The following ANK2 variants were observed in gnomAD, a reference collection of about 807,000 sequenced individuals.
ANK2 encodes ankyrin-2.
In ANK2, 83 loss-of-function variants were observed where a neutral mutation model predicts 360.5. That is an observed-to-expected ratio of 0.23 (90% CI 0.19 to 0.28). ANK2 has a LOEUF of 0.28. Ranked by LOEUF, ANK2 falls within the 10% of genes least tolerant of loss-of-function variation. The probability of loss-of-function intolerance (pLI) is 1.00; values close to 1 mark genes in which losing one functional copy is unlikely to be tolerated. For missense variants in ANK2, 4,201 were observed against 4,795.7 expected (o/e 0.88, Z 3.66); for synonymous variants, 1,740 against 1,759.5 (o/e 0.99, Z 0.28).
chr4:113,366,062 T>A lies in ANK2; in HGVS notation c.11032+880T>A, dbSNP rs151200998. Among the ~76,000 whole-genome samples the A allele has an allele frequency of 1.3e-3, 195 of 152,262 alleles. 2 individuals carry two copies. The highest frequency in any genetic ancestry group is 4.5e-3 in the African/African-American group (185 of 41,556). ...TTAAACCATGCTTTAATAGATCCCATCTTTAAAAACAAAACAAAGCAAATA... is the reference window on the plus strand; with the variant it reads ...TTAAACCATGCTTTAATAGATCCCAACTTTAAAAACAAAACAAAGCAAATA... On this transcript the variant is annotated intron_variant, in intron 41 of 45. Transcript: ENST00000357077.
chr4:113,128,815 T>C (rs1284046720), intron 1 of ANK2, among the ~76,000 whole-genome samples: 4 of 152,122 alleles, frequency 2.6e-5, no homozygotes, highest in Non-Finnish European at 2.9e-5. Context: ...CAGATAGATA[T>C]AAAAACAAAT....
chr4:113,361,016 A>C, intron 39 of ANK2, 119 bp downstream of exon 39: 1 of 938,466 alleles, frequency 1.1e-6, no homozygotes, highest in Non-Finnish European at 1.7e-6. Flanking sequence ...GAAAAGAAGA[A>C]TAAACTAAGA....
chr4:113,049,860 T>C (rs1179129760), intron 1 of ANK2, 48 bp downstream of exon 1: 4 of 1,599,514 alleles, frequency 2.5e-6, no homozygotes, highest in Admixed American at 1.7e-5. Context: ...TGTATGTGTG[T>C]GCATGTGTGA....
intron 31 of ANK2, among the ~76,000 whole-genome samples, chr4:113,338,260 C>T (rs1356899007): frequency 6.6e-6 from 1 of 152,082 alleles, no homozygotes; most frequent in East Asian, 1.9e-4. Context: ...ATTCCTCCTA[C>T]AGCCCTTTGA....
chr4:112,860,121 A>G (rs900300967), intron 1 of ANK2, among the ~76,000 whole-genome samples: 2 of 152,166 alleles, frequency 1.3e-5, no homozygotes, highest in Non-Finnish European at 2.9e-5. Flanking sequence ...ATTAAGTGCC[A>G]TTTACTGTGC....
intron 25 of ANK2, 27 bp from the exon 26 acceptor site, chr4:113,318,487 TTTA>T: frequency 6.4e-7 from 1 of 1,558,284 alleles, no homozygotes; most frequent in Non-Finnish European, 8.8e-7. Context: ...GCAAAGTGTG[TTTA>T]TTCAATCCAG....
intron 1 of ANK2, chr4:112,826,939 A>T: frequency 1.9e-6 from 3 of 1,538,638 alleles, no homozygotes; most frequent in Non-Finnish European, 2.7e-6. Flanking sequence ...ACAAACTCTG[A>T]ATTGGTTGGC....
intron 1 of ANK2, among the ~76,000 whole-genome samples, chr4:112,884,223 G>A (rs2077619680): frequency 6.6e-6 from 1 of 152,152 alleles, no homozygotes; most frequent in Non-Finnish European, 1.5e-5. Flanking sequence ...GGCCTACATT[G>A]ATTTAAATTA....
chr4:112,845,747 T>TA (rs1260582885), intron 1 of ANK2, among the ~76,000 whole-genome samples: 2 of 152,242 alleles, frequency 1.3e-5, no homozygotes, highest in South Asian at 4.1e-4. Context: ...AGTTTGGAAA[T>TA]ACCTGTCAAC....
chr4:112,746,331 G>A, the ANK2 span, among the ~76,000 whole-genome samples: 1 of 151,864 alleles, frequency 6.6e-6, no homozygotes, highest in South Asian at 2.1e-4. Flanking sequence ...ACAAAAAAAA[G>A]TTCAAATGTT....
the ANK2 span, among the ~76,000 whole-genome samples, chr4:112,771,155 C>T: frequency 2.0e-5 from 3 of 152,180 alleles, no homozygotes; most frequent in Non-Finnish European, 4.4e-5. Context: ...TCTTGTTGCC[C>T]AGGCTGTAGT....
chr4:113,247,927 G>T (rs890713936), intron 9 of ANK2, among the ~76,000 whole-genome samples: 2 of 152,130 alleles, frequency 1.3e-5, no homozygotes, highest in Admixed American at 6.5e-5. Flanking sequence ...TCCACCACAG[G>T]GTGCTTTTAT....
intron 24 of ANK2, 114 bp downstream of exon 24, chr4:113,311,513 T>A: frequency 1.5e-6 from 2 of 1,301,010 alleles, no homozygotes; most frequent in Non-Finnish European, 2.2e-6. Flanking sequence ...ACCTTATTAA[T>A]CTCAGCAGTT....
the ANK2 span, among the ~76,000 whole-genome samples, chr4:112,744,167 A>G: frequency 1.3e-5 from 2 of 152,096 alleles, no homozygotes; most frequent in Admixed American, 1.3e-4. Flanking sequence ...TTACTTTTGC[A>G]CCAACCTAAT....
chr4:112,902,851 T>A (rs1187941200), intron 1 of ANK2, among the ~76,000 whole-genome samples: 2 of 152,236 alleles, frequency 1.3e-5, no homozygotes, highest in East Asian at 3.9e-4. Context: ...GAAATTATAA[T>A]CTTTTAATCT....
chr4:113,275,083 C>T (rs1475061754), intron 15 of ANK2, among the ~76,000 whole-genome samples: 2 of 152,172 alleles, frequency 1.3e-5, no homozygotes, highest in Non-Finnish European at 2.9e-5. Flanking sequence ...TTTACTTGTA[C>T]ATTTTCGCAA....
intron 1 of ANK2, among the ~76,000 whole-genome samples, chr4:113,089,943 C>T (rs10029379): frequency 0.033 from 5,002 of 152,154 alleles, 264 homozygotes; most frequent in African/African-American, 0.11. Context: ...TTTTCTGAAA[C>T]GTAATAATAT....
rs1002502005 is a variant in ANK2 at position 112,868,318 on chromosome 4, T to C, written c.-39-36137T>C. 2.6e-5 allele frequency among the ~76,000 whole-genome samples: 4 copies of C among 152,250 alleles called. No homozygotes were observed. The East Asian group carries it at 7.7e-4, about 29-fold the overall frequency. On this transcript the variant is annotated intron_variant, in intron 1 of 30. Transcript: ENST00000503271. ...ACATAGTTCCAGAGACTAGGAAGTC[T>C]AAGAGCATAGTGTCAGCATCTGGTG...
intron 23 of ANK2, among the ~76,000 whole-genome samples, chr4:113,305,207 G>T (rs1388809333): frequency 6.7e-6 from 1 of 149,544 alleles, no homozygotes; most frequent in East Asian, 1.9e-4. Context: ...GGGCGTAGTG[G>T]CGGGCGCCTG....
Sources: allele counts gnomAD v4.1 joint callset (sites outside exome capture counted in the v4.1 genomes callset), GRCh38; gene constraint gnomAD v4.1.1; transcripts MANE v1.5; gene names NCBI Gene and HGNC (gene_info 2026-07-23, HGNC 2026-07-21).